KIF20A: variants seen among roughly 807,000 people sequenced by gnomAD.
The protein encoded by KIF20A is kinesin-like protein KIF20A.
Under a neutral mutation model 113.0 loss-of-function variants are expected in KIF20A, and 66 were observed. The observed-to-expected ratio is 0.58, with a 90% CI of 0.48 to 0.72. The LOEUF (loss-of-function observed/expected upper bound fraction) is 0.72. KIF20A is among the 30% of genes least tolerant of loss of function. KIF20A has a pLI of 0.00. For missense variants in KIF20A, 927 were observed against 1,077.6 expected (o/e 0.86, Z 1.96); for synonymous variants, 376 against 402.3 (o/e 0.93, Z 0.78).
rs1754712042 is a variant in KIF20A, at chr5:138,184,500, T to G, written c.1519-12T>G. The G allele has an allele frequency of 1.9e-6, 3 of 1,610,854 alleles. No individual in the cohort carries two copies. The East Asian group carries it at 6.7e-5, about 36-fold the overall frequency. On this transcript the variant is annotated splice_polypyrimidine_tract_variant and intron_variant, in intron 12 of 18. Transcript: ENST00000394894. Reference sequence around the variant, plus strand: ...CTTATGGAGTCAAGTAAGATATTTTTTTTCCCTCTAGCTTGTGCATGCCCC... The same window carrying G: ...CTTATGGAGTCAAGTAAGATATTTTGTTTCCCTCTAGCTTGTGCATGCCCC...
At chr5:138,181,272 A>G in intron 2 of KIF20A, 150 bp from the exon 3 acceptor site, 1 of 688,228 alleles carries the variant, frequency 1.5e-6, no homozygotes, top group Non-Finnish European at 2.6e-6. Flanking sequence ...GTGGGTTGGA[A>G]TGATTGTGGA....
intron 1 of KIF20A, 57 bp from the exon 2 acceptor site, chr5:138,179,603 C>A: frequency 6.8e-7 from 1 of 1,462,360 alleles, no homozygotes; most frequent in Non-Finnish European, 9.5e-7. Flanking sequence ...CTAAAATTCG[C>A]GGCCCCTTCT....
rs1018044568 is a variant in KIF20A at position 138,183,197 on chromosome 5, C to A, written c.861C>A (p.Asp287Glu). The change falls in exon 8 of 19, where the codon GAC (aspartate) becomes GAA (glutamate). Residue 287 changes from aspartate (D) to glutamate (E), a missense_variant. By Grantham distance (45) the Asp-to-Glu change is conservative. Coordinates refer to ENST00000394894, the MANE Select transcript of KIF20A (RefSeq NM_005733.3). This position sits in a 1 kb window ranked among gnomAD's most constrained non-coding sequence, Gnocchi z 5.2. ...DETSHRWAQP[D>E]TAPLPVPANI... ...CAAGTCATCGATGGGCACAGCCAGA[C>A]ACTGCCCCACTACCTGTCCCGGCAA... 6.2e-6 allele frequency: 10 copies of A among 1,614,086 alleles called. No homozygotes were observed. In the African/African-American group the frequency reaches 8.0e-5, roughly 13 times the overall value.
intron 4 of KIF20A, 93 bp downstream of exon 4, chr5:138,181,821 G>A: frequency 6.8e-7 from 1 of 1,481,458 alleles, no homozygotes; most frequent in Non-Finnish European, 9.2e-7. Flanking sequence ...CTGACTGTGA[G>A]TTCCTTGTAT....
chr5:138,187,023 T>C, intron 18 of KIF20A, 73 bp from the exon 19 acceptor site: 1 of 1,140,138 alleles, frequency 8.8e-7, no homozygotes, highest in Non-Finnish European at 1.2e-6. Context: ...ATGGTATGTA[T>C]TACCCTTAGC....
In KIF20A at chr5:138,183,760, A is replaced by C; in HGVS notation, c.1208+4A>C. 6.2e-7 allele frequency: 1 copy of C among 1,612,462 alleles called. No homozygotes were observed. Among genetic ancestry groups the C allele is most frequent in the Non-Finnish European group, 8.5e-7 (1 of 1,178,654 alleles). Reference sequence around the variant, plus strand: ...ATATAGTCCCCAAGATCAGCGAGTAAGTTTATCCATTTAGAAATTTGGGCT... The same window carrying C: ...ATATAGTCCCCAAGATCAGCGAGTACGTTTATCCATTTAGAAATTTGGGCT... On this transcript the variant is annotated splice_donor_region_variant and intron_variant, in intron 10 of 18. Coordinates refer to ENST00000394894, the MANE Select transcript of KIF20A (RefSeq NM_005733.3). This position sits in a 1 kb window ranked among gnomAD's most constrained non-coding sequence, Gnocchi z 5.2.
In KIF20A at chr5:138,183,001, T is replaced by C. The variant is rs112621273; in HGVS notation, c.832+11T>C. 2 of 1,613,992 alleles carry C rather than the reference T, an allele frequency of 1.2e-6. No homozygotes were observed. Among genetic ancestry groups the C allele is most frequent in the African/African-American group, 2.7e-5 (2 of 75,060 alleles). ...GTAGCCAGCTGGATGGTATGTACCGTGACTGGGCTCTGCCAAAAAATAGTA... is the reference window on the plus strand; with the variant it reads ...GTAGCCAGCTGGATGGTATGTACCGCGACTGGGCTCTGCCAAAAAATAGTA... On this transcript the variant is annotated intron_variant, in intron 7 of 18. Transcript: ENST00000394894. This position sits in a 1 kb window ranked among gnomAD's most constrained non-coding sequence, Gnocchi z 5.2.
In KIF20A at chr5:138,184,035, G is replaced by A; in HGVS notation, c.1282G>A (p.Gly428Arg). 6.2e-7 allele frequency: 1 copy of A among 1,614,124 alleles called. No individual in the cohort carries two copies. The highest frequency in any genetic ancestry group is 8.5e-7 in the Non-Finnish European group (1 of 1,180,014). ...GAGTGGTGAACGGTTGAAGGAAGCA[G>A]GAAACATTAACACCTCTCTACACAC... Reference protein sequence around the residue: ...QKSGERLKEAGNINTSLHTLG... With the variant: ...QKSGERLKEARNINTSLHTLG... Residue 428 changes from glycine to arginine, a missense_variant, in exon 11 of 19, where the codon GGA becomes AGA. By Grantham distance (125) the Gly-to-Arg change is moderately radical. Transcript: ENST00000394894.
rs372480821 is a variant in KIF20A, at chr5:138,185,626, G to A, written c.2041G>A (p.Ala681Thr). The A allele has an allele frequency of 1.2e-6, 2 of 1,614,050 alleles. No homozygotes were observed. The highest frequency in any genetic ancestry group is 1.3e-5 in the African/African-American group (1 of 74,934). ...ELALRRSQRLAASASTQQLQE... is the reference protein window; with the variant it reads ...ELALRRSQRLTASASTQQLQE... ...GGCCCTACGGCGGTCACAAAGGTTG[G>A]CAGCTTCTGCCTCCACCCAGCAGCT... Residue 681 changes from alanine to threonine, a missense_variant, in exon 16 of 19, where the codon GCA (alanine) becomes ACA (threonine). Ala to Thr is a moderately conservative substitution (Grantham distance 58, BLOSUM62 0). Transcript: ENST00000394894.
In KIF20A at chr5:138,179,793, AC is replaced by A; in HGVS notation, c.115del (p.Leu39CysfsTer12). ...AADLGSVVRK[N>X]LLSDCSVVST... is the part of the protein sequence containing the mutation. ...GATTTGGGGTCTGTGGTACGCAAGA[AC>A]CTGCTATCAGACTGCTCTGTCGTCT... On this transcript the variant is annotated frameshift_variant, in exon 2 of 19. Coordinates refer to ENST00000394894, the MANE Select transcript of KIF20A (RefSeq NM_005733.3). LOFTEE classifies it high-confidence loss of function. The A allele has an allele frequency of 1.2e-6, 2 of 1,614,088 alleles. No homozygotes were observed. The highest frequency in any genetic ancestry group is 1.7e-6 in the Non-Finnish European group (2 of 1,180,012).
At position 138,183,641 on chromosome 5, in the gene KIF20A, T is replaced by C. The variant is rs780816972; in HGVS notation, c.1140-47T>C. The C allele has an allele frequency of 6.2e-7, 1 of 1,608,422 alleles. No homozygotes were observed. The highest frequency in any genetic ancestry group is 8.5e-7 in the Non-Finnish European group (1 of 1,174,984). ...TTCCAGGAAACATTAGTCCTCTGCC[T>C]GGTCATGGAAAATGTGCAATGACTT... On this transcript the variant is annotated intron_variant, in intron 9 of 18. Coordinates refer to ENST00000394894, the MANE Select transcript of KIF20A (RefSeq NM_005733.3). The surrounding 1 kb of genome is among the most constrained non-coding windows in gnomAD (Gnocchi z 5.2).
rs1561629532 is a variant in KIF20A, at chr5:138,183,442, A to G, written c.1028-28A>G. The G allele has an allele frequency of 6.2e-7, 1 of 1,611,950 alleles. No homozygotes were observed. The highest frequency in any genetic ancestry group is 2.2e-5 in the East Asian group (1 of 44,874). On this transcript the variant is annotated intron_variant, in intron 8 of 18. Coordinates refer to ENST00000394894, the MANE Select transcript of KIF20A (RefSeq NM_005733.3). The surrounding 1 kb of genome is among the most constrained non-coding windows in gnomAD (Gnocchi z 5.2). Reference sequence around the variant, plus strand: ...ACTGGCAAAAGAGTTGGATGTTCCCATCTTACACCCCTCTCCTTTGGCCCC... The same window carrying G: ...ACTGGCAAAAGAGTTGGATGTTCCCGTCTTACACCCCTCTCCTTTGGCCCC...
At position 138,182,915 on chromosome 5, in the gene KIF20A, A is replaced by G; in HGVS notation, c.757A>G (p.Thr253Ala). 6.2e-7 allele frequency: 1 copy of G among 1,614,186 alleles called. No individual in the cohort carries two copies. Among genetic ancestry groups the G allele is most frequent in the Non-Finnish European group, 8.5e-7 (1 of 1,180,024 alleles). The change falls in exon 7 of 19, where the codon ACC (threonine) becomes GCC (alanine). Residue 253 changes from threonine to alanine, a missense_variant. Thr to Ala is a moderately conservative substitution (Grantham distance 58). Coordinates refer to ENST00000394894, the MANE Select transcript of KIF20A (RefSeq NM_005733.3). ...RSVYIESRIG[T>A]STSFDSGIAG... ...TGTCTACATCGAAAGTCGGATAGGT[A>G]CCAGCACCAGCTTCGACAGTGGCAT...
Position 138,186,450 on chromosome 5 carries a change from C to T in KIF20A, c.2355+19C>T. 1 of 1,606,452 alleles carries T rather than the reference C, an allele frequency of 6.2e-7. No individual in the cohort carries two copies. The highest frequency in any genetic ancestry group is 8.5e-7 in the Non-Finnish European group (1 of 1,178,196). ...CAAACAGGTTAGGGCAAACTATATA[C>T]CCACTTCTGTCCTACCAGCCCACTC... On this transcript the variant is annotated intron_variant, in intron 18 of 18. Transcript: ENST00000394894.
Position 138,179,805 on chromosome 5 carries a change from A to G in KIF20A, c.125A>G (p.Asp42Gly). The G allele has an allele frequency of 1.9e-6, 3 of 1,614,056 alleles. No individual in the cohort carries two copies. The highest frequency in any genetic ancestry group is 1.7e-6 in the Non-Finnish European group (2 of 1,180,014). The change falls in exon 2 of 19, where the codon GAC becomes GGC. Residue 42 changes from aspartate (D) to glycine (G), a missense_variant. Transcript: ENST00000394894. Reference sequence around the variant, plus strand: ...GTGGTACGCAAGAACCTGCTATCAGACTGCTCTGTCGTCTCTACCTCCCTA... The same window carrying G: ...GTGGTACGCAAGAACCTGCTATCAGGCTGCTCTGTCGTCTCTACCTCCCTA... Reference protein sequence around the residue: ...GSVVRKNLLSDCSVVSTSLED... With the variant: ...GSVVRKNLLSGCSVVSTSLED...
At chr5:138,181,864 T>C (rs1397260849) in intron 4 of KIF20A, 136 bp downstream of exon 4, 1 of 909,940 alleles carries the variant, frequency 1.1e-6, no homozygotes, top group African/African-American at 1.7e-5. Context: ...GCCCTAGTTA[T>C]GTGTTAGTCA....
Position 138,183,906 on chromosome 5 carries a change from G to T in KIF20A, c.1209-56G>T. The T allele has an allele frequency of 1.2e-6, 2 of 1,609,992 alleles. No individual in the cohort carries two copies. The highest frequency in any genetic ancestry group is 1.7e-6 in the Non-Finnish European group (2 of 1,177,304). ...TCCCCTCTCCAGAATTATACAAAGG[G>T]CCAGAAGGCTCATAACATGTGAGGC... On this transcript the variant is annotated intron_variant, in intron 10 of 18. Coordinates refer to ENST00000394894, the MANE Select transcript of KIF20A (RefSeq NM_005733.3). This position sits in a 1 kb window ranked among gnomAD's most constrained non-coding sequence, Gnocchi z 5.2.
In KIF20A at chr5:138,181,690, G is replaced by A; in HGVS notation, c.337G>A (p.Gly113Arg). ...DSFALKSNER[G>R]IGQATHRFTF... ...TTTTGCCCTGAAGAGCAATGAACGG[G>A]GAATTGGCCAAGCCACACACAGGTT... Residue 113 changes from glycine (G) to arginine (R), a missense_variant, in exon 4 of 19, where the codon GGA (glycine) becomes AGA (arginine). Physicochemically the swap from Gly to Arg is moderately radical, Grantham distance 125. Transcript: ENST00000394894. The A allele has an allele frequency of 6.2e-7, 1 of 1,614,138 alleles. No individual in the cohort carries two copies. Among genetic ancestry groups the A allele is most frequent in the Non-Finnish European group, 8.5e-7 (1 of 1,180,028 alleles).
Position 138,179,662 on chromosome 5 carries a change from C to G in KIF20A, c.-19C>G, listed in dbSNP as rs1167724074. 6.2e-7 allele frequency: 1 copy of G among 1,613,278 alleles called. No individual in the cohort carries two copies. The highest frequency in any genetic ancestry group is 2.2e-5 in the East Asian group (1 of 44,862). ...CCCACTTTTTGGTCTCTTTTTAGAC[C>G]TAGGCTGCCCCTGCCGTCATGTCGC... On this transcript the variant is annotated splice_region_variant and 5_prime_UTR_variant, in exon 2 of 19. Transcript: ENST00000394894.
Sources: allele counts gnomAD v4.1 joint callset, GRCh38; gene constraint gnomAD v4.1.1; non-coding constraint Gnocchi (gnomAD v3.1); transcripts MANE v1.5; gene names NCBI Gene and HGNC (gene_info 2026-07-23, HGNC 2026-07-21).